FGF13: variants seen among roughly 807,000 people sequenced by gnomAD.
The protein encoded by FGF13 is fibroblast growth factor 13.
A neutral mutation model predicts 19.5 loss-of-function variants in FGF13; 2 were observed. The observed-to-expected ratio is 0.10, with a 90% CI of 0.04 to 0.32. The LOEUF (loss-of-function observed/expected upper bound fraction) is 0.32, where lower values mean the gene tolerates loss of function less well. Among genes scored for constraint, FGF13 ranks in the 10% least tolerant of loss-of-function variants. The probability of loss-of-function intolerance (pLI) is 1.00; values close to 1 mark genes in which losing one functional copy is unlikely to be tolerated. For synonymous variants in FGF13, 72 were observed against 76.9 expected (o/e 0.94, Z 0.33); for missense variants, 113 against 192.7 (o/e 0.59, Z 2.45).
chrX:139,059,430 AAGAG>A lies in FGF13; in HGVS notation c.-113+143982_-113+143985del, dbSNP rs769992893. 3.0e-3 allele frequency among the ~76,000 whole-genome samples: 317 copies of A among 107,390 alleles called. 2 individuals carry two copies. Among genetic ancestry groups the A allele is most frequent in the African/African-American group, 6.6e-3 (194 of 29,576 alleles). 93.3% of individuals were successfully genotyped at this position (107,390 alleles called of 115,157 possible). ...AAGTGAAGAATGTTCTTAAAAAAAAAAGAGAGAGAGAGAGAGAGAGAGAATATTC... is the reference window on the plus strand; with the variant it reads ...AAGTGAAGAATGTTCTTAAAAAAAAAAGAGAGAGAGAGAGAGAGAATATTC... On this transcript the variant is annotated intron_variant, in intron 1 of 2. Transcript: ENST00000421460.
At chrX:138,914,652 T>C (rs2091608840) in intron 1 of FGF13, among the ~76,000 whole-genome samples, 1 of 109,029 alleles carries the variant, frequency 9.2e-6, no homozygotes, top group South Asian at 4.1e-4. Context: ...TTTTTTTTTT[T>C]TTGCCTTACA....
chrX:139,156,751 C>T (rs1312610322), intron 1 of FGF13, among the ~76,000 whole-genome samples: 1 of 112,270 alleles, frequency 8.9e-6, no homozygotes, highest in African/African-American at 3.2e-5. Context: ...CCATGGGGCA[C>T]ATACTTAACA....
At chrX:139,190,392 C>T (rs866307401) in intron 1 of FGF13, among the ~76,000 whole-genome samples, 4 of 106,812 alleles carry the variant, frequency 3.7e-5, no homozygotes, top group Non-Finnish European at 1.9e-5. Context: ...AAAAAAAAAA[C>T]AGAAAAATAC....
chrX:139,118,029 T>A (rs1368746302), intron 1 of FGF13, among the ~76,000 whole-genome samples: 2 of 111,759 alleles, frequency 1.8e-5, no homozygotes, highest in African/African-American at 6.5e-5. Flanking sequence ...TGAATGAATT[T>A]TCCACCAGGT....
rs190627232 is a variant in FGF13 at position 138,694,451 on chromosome X, C to T, written c.402+8533G>A. ...AATTTTTTCTTTTTTCTTTTCTTTT[C>T]TTTTTTTTTTTTTTTTTGAGATGGA... On this transcript the variant is annotated intron_variant, in intron 3 of 4. Transcript: ENST00000315930. 8.5e-3 allele frequency among the ~76,000 whole-genome samples: 748 copies of T among 88,213 alleles called. 9 individuals carry two copies. Among genetic ancestry groups the T allele is most frequent in the African/African-American group, 0.028 (681 of 24,516 alleles). The allele number at this position is 88,213 out of a possible 115,157, so 76.6% of individuals were successfully genotyped here. A position where few individuals can be genotyped will look rare whatever the true frequency, so the allele number is the denominator to read the frequency against.
intron 1 of FGF13, among the ~76,000 whole-genome samples, chrX:138,892,797 T>A (rs1047839832): frequency 5.5e-5 from 6 of 108,868 alleles, no homozygotes; most frequent in Non-Finnish European, 9.6e-5. Flanking sequence ...GAGAACCTAG[T>A]TGAGAATTCA....
chrX:138,950,716 C>T (rs971569683), intron 1 of FGF13, among the ~76,000 whole-genome samples: 2 of 111,727 alleles, frequency 1.8e-5, no homozygotes, highest in African/African-American at 6.5e-5. Context: ...ATAATCATAT[C>T]TGTCATGTCT....
chrX:138,656,510 A>G (rs1036407761), intron 3 of FGF13, among the ~76,000 whole-genome samples: 1 of 111,466 alleles, frequency 9.0e-6, no homozygotes, highest in Non-Finnish European at 1.9e-5. Context: ...GCAACAGCAA[A>G]TAAGAACAAT....
chrX:139,200,762 G>T (rs1342684465), intron 1 of FGF13, among the ~76,000 whole-genome samples: 1 of 112,533 alleles, frequency 8.9e-6, no homozygotes. Flanking sequence ...ATCCAAAAAA[G>T]ATTTGGTTTT....
chrX:138,678,790 C>CA (rs2089699184), intron 3 of FGF13, among the ~76,000 whole-genome samples: 1 of 111,970 alleles, frequency 8.9e-6, no homozygotes, highest in African/African-American at 3.2e-5. Context: ...AAACAGGGAA[C>CA]AAAGCACTCA....
intron 3 of FGF13, among the ~76,000 whole-genome samples, chrX:138,652,223 G>A (rs774079122): frequency 1.6e-4 from 18 of 110,946 alleles, no homozygotes; most frequent in Non-Finnish European, 2.5e-4. Context: ...CCAGATATCC[G>A]CCTGAACCTT....
intron 1 of FGF13, among the ~76,000 whole-genome samples, chrX:139,121,564 T>A (rs1274156206): frequency 9.1e-6 from 1 of 110,145 alleles, no homozygotes; most frequent in East Asian, 2.9e-4. Flanking sequence ...TGCCTGGCTA[T>A]TTTTTTTCTT....
At chrX:139,023,490 A>AAG (rs766790647) in intron 1 of FGF13, among the ~76,000 whole-genome samples, 13 of 108,972 alleles carry the variant, frequency 1.2e-4, no homozygotes, top group East Asian at 2.9e-4. Flanking sequence ...GAGAGAAGGG[A>AAG]AGAGAGAGAG....
At chrX:138,709,130 G>A (rs1336879540) in intron 1 of FGF13, among the ~76,000 whole-genome samples, 1 of 112,718 alleles carries the variant, frequency 8.9e-6, no homozygotes, top group Non-Finnish European at 1.9e-5. Context: ...TTTCTATCTG[G>A]AAACATTGGT....
upstream of FGF13, among the ~76,000 whole-genome samples, chrX:138,742,307 A>G (rs937035038): frequency 4.4e-5 from 5 of 112,386 alleles, no homozygotes; most frequent in Non-Finnish European, 9.4e-5. Flanking sequence ...CGTGTCCGTC[A>G]TAACTGTGGC....
chrX:138,701,549 A>C (rs908909133), intron 3 of FGF13, among the ~76,000 whole-genome samples: 2 of 112,381 alleles, frequency 1.8e-5, no homozygotes, highest in African/African-American at 6.5e-5. Flanking sequence ...AAGCAACCAG[A>C]CCACTGAAAT....
At chrX:138,879,693 GTTCCCT>G (rs1416076962) in intron 1 of FGF13, among the ~76,000 whole-genome samples, 2 of 107,108 alleles carry the variant, frequency 1.9e-5, no homozygotes, top group Non-Finnish European at 3.9e-5. Context: ...AGTGTGTGAT[GTTCCCT>G]TCCCTGTGTC....
intron 1 of FGF13, among the ~76,000 whole-genome samples, chrX:138,724,751 T>C (rs963290177): frequency 9.0e-6 from 1 of 110,999 alleles, no homozygotes; most frequent in Non-Finnish European, 1.9e-5. Flanking sequence ...CCAGAGGAGA[T>C]TGAGGAGATA....
chrX:138,797,651 C>T (rs1004816190), intron 3 of FGF13, among the ~76,000 whole-genome samples: 2 of 111,274 alleles, frequency 1.8e-5, no homozygotes, highest in Non-Finnish European at 3.8e-5. Flanking sequence ...TTACTTTGGC[C>T]AGTGTGGCCA....
Sources: gnomAD v4.1 joint callset for allele counts (sites outside exome capture counted in the v4.1 genomes callset) on GRCh38, gnomAD v4.1.1 for gene constraint, MANE v1.5 for transcripts, NCBI Gene and HGNC (gene_info 2026-07-23, HGNC 2026-07-21) for gene names.